The following CEP192 variants were observed in gnomAD, a reference collection of about 807,000 sequenced individuals.
The protein encoded by CEP192 is centrosomal protein 192, also known as centrosomal protein of 192 kDa.
In CEP192, 151 loss-of-function variants were observed where a neutral mutation model predicts 271.8. The observed-to-expected ratio is 0.56, with a 90% confidence interval of 0.49 to 0.64. CEP192 has a LOEUF of 0.64. CEP192 is among the 30% of genes least tolerant of loss of function. The pLI is 0.00. For missense variants in CEP192, 2,910 were observed against 3,020.5 expected (o/e 0.96, Z 0.86); for synonymous variants, 995 against 1,076.5 (o/e 0.92, Z 1.48).
intron 30 of CEP192, 25 bp downstream of exon 30, chr18:13,073,210 C>T (rs1169888661): frequency 6.3e-7 from 1 of 1,575,256 alleles, no homozygotes. Flanking sequence ...TTGCCTTTCC[C>T]TTCCCCTGGA....
chr18:13,026,725 C>G (rs1468614303), intron 9 of CEP192, among the ~76,000 whole-genome samples: 1 of 152,164 alleles, frequency 6.6e-6, no homozygotes, highest in Non-Finnish European at 1.5e-5. Context: ...TCTGGCATTT[C>G]TTTCTGATTC....
chr18:13,105,135 T>G (rs902881384), intron 40 of CEP192, 56 bp downstream of exon 40: 1 of 1,186,478 alleles, frequency 8.4e-7, no homozygotes, highest in African/African-American at 1.5e-5. Flanking sequence ...CAGGAGTGCC[T>G]CATTGGATTC....
intron 42 of CEP192, 105 bp downstream of exon 42, chr18:13,114,356 G>A: frequency 1.8e-5 from 21 of 1,180,990 alleles, no homozygotes; most frequent in Non-Finnish European, 2.4e-5. Context: ...TGTGTTACCA[G>A]CACTCCAACC....
chr18:13,030,684 G>C, intron 11 of CEP192, 76 bp downstream of exon 11: 1 of 1,171,396 alleles, frequency 8.5e-7, no homozygotes, highest in Non-Finnish European at 1.2e-6. Context: ...GTATATGTTG[G>C]TCAGCCACAT....
intron 19 of CEP192, among the ~76,000 whole-genome samples, chr18:13,057,011 T>C (rs576960966): frequency 6.6e-5 from 10 of 152,300 alleles, no homozygotes; most frequent in Admixed American, 6.5e-4. Context: ...AATGAGTGAG[T>C]GCCTCCACCT....
At chr18:13,060,710 C>G (rs557888337) in intron 21 of CEP192, among the ~76,000 whole-genome samples, 14 of 151,978 alleles carry the variant, frequency 9.2e-5, no homozygotes, top group African/African-American at 3.4e-4. Flanking sequence ...ATTGCTTGAG[C>G]CCAGGAGTTC....
chr18:13,014,801 G>A (rs1330522110), intron 5 of CEP192, among the ~76,000 whole-genome samples: 2 of 152,010 alleles, frequency 1.3e-5, no homozygotes, highest in African/African-American at 4.8e-5. Context: ...ACATATATAT[G>A]TAATATATAT....
rs146106117 is a variant in CEP192, at chr18:13,115,390, G to A, written c.7290-987G>A. Among the ~76,000 whole-genome samples, 190 of 152,332 alleles carry A rather than the reference G, an allele frequency of 1.2e-3. 1 individual carries two copies. The highest frequency in any genetic ancestry group is 2.1e-3 in the Non-Finnish European group (146 of 68,034). On this transcript the variant is annotated intron_variant, in intron 42 of 44. Transcript: ENST00000506447. ...GAGTGGAAACGGCCTAGGTGAGGAG[G>A]GTCGGAGAAGTTCCCAGGAGAAGTT...
chr18:12,999,958 C>G (rs972930847), intron 2 of CEP192, among the ~76,000 whole-genome samples: 6 of 151,172 alleles, frequency 4.0e-5, no homozygotes, highest in African/African-American at 1.5e-4. Context: ...TATAGGAGTA[C>G]CTCTTGACAT....
chr18:13,106,309 A>C (rs982720959), intron 40 of CEP192, among the ~76,000 whole-genome samples: 26 of 151,872 alleles, frequency 1.7e-4, no homozygotes, highest in African/African-American at 4.6e-4. Flanking sequence ...CACCACCACT[A>C]CCACTCCCAC....
intron 18 of CEP192, among the ~76,000 whole-genome samples, chr18:13,053,625 G>A (rs1383421775): frequency 2.6e-5 from 4 of 152,166 alleles, no homozygotes; most frequent in African/African-American, 9.7e-5. Flanking sequence ...GAAGGGTGCT[G>A]GGTTTAAAAT....
At chr18:13,003,425 G>A (rs1331658867) in intron 3 of CEP192, among the ~76,000 whole-genome samples, 3 of 149,540 alleles carry the variant, frequency 2.0e-5, no homozygotes, top group Non-Finnish European at 4.4e-5. Flanking sequence ...CTCCAGCCTG[G>A]GCAACAGAGT....
chr18:13,012,207 A>G (rs1318863069), intron 4 of CEP192, among the ~76,000 whole-genome samples: 1 of 152,236 alleles, frequency 6.6e-6, no homozygotes, highest in East Asian at 1.9e-4. Context: ...GAATAATGAA[A>G]ATAGTGGTGA....
intron 15 of CEP192, among the ~76,000 whole-genome samples, chr18:13,043,845 G>T (rs953028589): frequency 2.6e-5 from 4 of 152,042 alleles, no homozygotes; most frequent in African/African-American, 9.7e-5. Flanking sequence ...TTCTTCCTAA[G>T]TTGTTGAAAC....
chr18:13,018,774 A>G (rs1336201470), intron 8 of CEP192, among the ~76,000 whole-genome samples, 159 bp downstream of exon 8: 1 of 152,214 alleles, frequency 6.6e-6, no homozygotes, highest in Non-Finnish European at 1.5e-5. Context: ...GCTTTTAATA[A>G]TAGCTGAGTA....
chr18:13,018,667 C>CT (rs148297078), intron 8 of CEP192, 52 bp downstream of exon 8: 85 of 1,245,136 alleles, frequency 6.8e-5, no homozygotes, highest in African/African-American at 3.0e-4. Context: ...TTTGACTTTA[C>CT]TTTTTTTAAA....
chr18:13,018,390 C>T, intron 7 of CEP192, 90 bp from the exon 8 acceptor site: 2 of 736,098 alleles, frequency 2.7e-6, no homozygotes, highest in South Asian at 5.4e-5. Context: ...CACTTATTTT[C>T]TGGCATCCTT....
At chr18:13,095,250 C>T (rs1230417122) in intron 34 of CEP192, among the ~76,000 whole-genome samples, 3 of 152,320 alleles carry the variant, frequency 2.0e-5, no homozygotes, top group Non-Finnish European at 2.9e-5. Context: ...AATCCTCCCG[C>T]CTCGGCCTCC....
chr18:13,075,357 A>G (rs140962064), intron 30 of CEP192, among the ~76,000 whole-genome samples: 1 of 152,148 alleles, frequency 6.6e-6, no homozygotes, highest in African/African-American at 2.4e-5. Context: ...CACGAGGTCA[A>G]GAGATCAAGA....
Sources: allele counts gnomAD v4.1 joint callset (sites outside exome capture counted in the v4.1 genomes callset), GRCh38; gene constraint gnomAD v4.1.1; transcripts MANE v1.5; gene names NCBI Gene and HGNC (gene_info 2026-07-23, HGNC 2026-07-21).